Variants in MPRIP observed in about 807,000 individuals in gnomAD.
MPRIP encodes the protein myosin phosphatase Rho interacting protein, also known as myosin phosphatase Rho-interacting protein.
A neutral mutation model predicts 234.9 loss-of-function variants in MPRIP; 59 were observed. The observed-to-expected ratio is 0.25, with a 90% CI of 0.20 to 0.31. MPRIP has a LOEUF of 0.31. Among genes scored for constraint, MPRIP ranks in the 10% least tolerant of loss-of-function variants. MPRIP has a pLI of 1.00. For missense variants in MPRIP, 2,436 were observed against 3,071.0 expected, an observed-to-expected ratio of 0.79 and a Z score of 4.89; for synonymous variants, 1,144 against 1,263.9, an observed-to-expected ratio of 0.91 and a Z score of 2.01.
intron 20 of MPRIP, among the ~76,000 whole-genome samples, chr17:17,176,115 CA>C (rs2046248242): frequency 1.3e-5 from 2 of 152,226 alleles, no homozygotes. Flanking sequence ...ACACAAGTGT[CA>C]GTGGTAACAT....
intron 4 of MPRIP, 71 bp from the exon 5 acceptor site, chr17:17,131,546 G>A: frequency 7.3e-7 from 1 of 1,371,044 alleles, no homozygotes; most frequent in South Asian, 1.2e-5. Context: ...GGACCACCCG[G>A]CAAGGGCCAG....
At chr17:17,048,827 T>C (rs1341684743) in intron 1 of MPRIP, among the ~76,000 whole-genome samples, 1 of 152,214 alleles carries the variant, frequency 6.6e-6, no homozygotes, top group Non-Finnish European at 1.5e-5. Flanking sequence ...TTCCCACTTC[T>C]AGGTATATGC....
chr17:17,046,355 T>C (rs1373306512), intron 1 of MPRIP, among the ~76,000 whole-genome samples: 1 of 152,230 alleles, frequency 6.6e-6, no homozygotes, highest in African/African-American at 2.4e-5. Flanking sequence ...CAAAGAGTCT[T>C]ATAAATACTT....
intron 17 of MPRIP, 117 bp downstream of exon 17, chr17:17,171,982 A>C: frequency 1.7e-6 from 2 of 1,202,340 alleles, no homozygotes; most frequent in Non-Finnish European, 2.3e-6. Context: ...TGTAAACTTC[A>C]TTGTTGAAGG....
Position 17,166,682 on chromosome 17 carries a change from C to G in MPRIP, c.5091C>G (p.Thr1697=). The change falls in exon 16 of 24, where the codon ACC becomes ACG. Residue 1697 remains threonine (T), a synonymous_variant. Transcript: ENST00000651222. The surrounding 1 kb of genome is among the most constrained non-coding windows in gnomAD (Gnocchi z 4.4). ...LQSIQETLRG[T]QTALRQHKCL... The stretch of plus-strand genomic sequence containing the variant: ...GCATCCAGGAGACCCTGCGGGGCAC[C>G]CAGACGGCCCTGCGGCAGCACAAAT... 1 of 1,303,612 alleles carries G rather than the reference C, an allele frequency of 7.7e-7. No individual in the cohort carries two copies. The highest frequency in any genetic ancestry group is 1.5e-5 in the African/African-American group (1 of 65,950). 80.8% of individuals were successfully genotyped at this position (1,303,612 alleles called of 1,614,324 possible).
chr17:17,086,232 G>A (rs1412110617), intron 3 of MPRIP, among the ~76,000 whole-genome samples: 3 of 152,072 alleles, frequency 2.0e-5, no homozygotes, highest in Non-Finnish European at 4.4e-5. Flanking sequence ...TTTCAGGGCT[G>A]GCATGGCCAC....
chr17:17,156,481 T>G (rs1205063471), intron 13 of MPRIP, among the ~76,000 whole-genome samples: 2 of 152,240 alleles, frequency 1.3e-5, no homozygotes, highest in East Asian at 3.8e-4. Context: ...AGTTTTTTAG[T>G]GCTGCCAGGC....
chr17:17,167,645 G>A lies in MPRIP; in HGVS notation c.6054G>A (p.Arg2018=), dbSNP rs1881038135. The change falls in exon 16 of 24, where the codon AGG becomes AGA. Residue 2018 remains arginine (R), a synonymous_variant. Transcript: ENST00000651222. This position sits in a 1 kb window ranked among gnomAD's most constrained non-coding sequence, Gnocchi z 5.9. ...ELQTIHEEEL[R]TLQEHYSQSL... ...AGACGATCCACGAGGAGGAGCTGAG[G>A]ACCCTGCAGGAGCACTACTCGCAGA... The A allele has an allele frequency of 7.7e-7, 1 of 1,304,258 alleles. No individual in the cohort carries two copies. Among genetic ancestry groups the A allele is most frequent in the South Asian group, 1.2e-5 (1 of 81,032 alleles). The allele number at this position is 1,304,258 out of a possible 1,614,324, so 80.8% of individuals were successfully genotyped here. A position where few individuals can be genotyped will look rare whatever the true frequency, so the allele number is the denominator to read the frequency against.
At chr17:17,112,459 C>T (rs957561041) in intron 3 of MPRIP, among the ~76,000 whole-genome samples, 1 of 152,216 alleles carries the variant, frequency 6.6e-6, no homozygotes, top group Non-Finnish European at 1.5e-5. Context: ...GCCTGATGTC[C>T]AGTAGATGCC....
rs75754645 is a variant in MPRIP at position 17,088,898 on chromosome 17, C to G, written c.267+10822C>G. On this transcript the variant is annotated intron_variant, in intron 3 of 23. Transcript: ENST00000651222. The stretch of plus-strand genomic sequence containing the variant: ...TGTTCTTTATGGTGGGGAAAACTCT[C>G]TGAACCCGGGGAGCAGTTGCACTGG... Among the ~76,000 whole-genome samples the G allele has an allele frequency of 5.7e-4, 87 of 152,338 alleles. No homozygotes were observed. In the East Asian group the frequency reaches 0.017, roughly 29 times the overall value.
intron 23 of MPRIP, chr17:17,182,401 C>T (rs1481922665): frequency 1.3e-5 from 2 of 152,196 alleles, no homozygotes; most frequent in Non-Finnish European, 2.9e-5. Context: ...GAATGCTTCC[C>T]TCGGGGTTCT....
chr17:17,156,858 G>A (rs1236322928), intron 13 of MPRIP, among the ~76,000 whole-genome samples: 1 of 152,238 alleles, frequency 6.6e-6, no homozygotes, highest in East Asian at 1.9e-4. Flanking sequence ...TTGCTGTGAA[G>A]CACTTTGCCT....
At chr17:17,169,584 C>G (rs1477602620) in intron 16 of MPRIP, among the ~76,000 whole-genome samples, 1 of 152,244 alleles carries the variant, frequency 6.6e-6, no homozygotes, top group East Asian at 1.9e-4. Context: ...CTCCCAGGGG[C>G]TTGGACACTG....
intron 1 of MPRIP, among the ~76,000 whole-genome samples, chr17:17,046,903 C>T (rs567234019): frequency 9.9e-5 from 15 of 152,280 alleles, no homozygotes; most frequent in South Asian, 4.1e-4. Flanking sequence ...ACCGGCAGGG[C>T]GCAGTGGCTC....
At chr17:17,063,706 A>G (rs914277746) in intron 1 of MPRIP, among the ~76,000 whole-genome samples, 3 of 152,206 alleles carry the variant, frequency 2.0e-5, no homozygotes, top group Non-Finnish European at 4.4e-5. Flanking sequence ...AACCACCGTT[A>G]GAGATCTTGT....
intron 1 of MPRIP, among the ~76,000 whole-genome samples, chr17:17,059,460 C>A (rs1240359175): frequency 6.6e-6 from 1 of 152,224 alleles, no homozygotes; most frequent in East Asian, 1.9e-4. Context: ...ATGCCGGCCT[C>A]TATAGGAGGG....
In MPRIP at chr17:17,167,177, G is replaced by A. The variant is rs2046018791; in HGVS notation, c.5586G>A (p.Glu1862=). 1 of 1,304,008 alleles carries A rather than the reference G, an allele frequency of 7.7e-7. No individual in the cohort carries two copies. Among genetic ancestry groups the A allele is most frequent in the Admixed American group, 2.3e-5 (1 of 43,536 alleles). The allele number at this position is 1,304,008 out of a possible 1,614,324, so 80.8% of individuals were successfully genotyped here. A position where few individuals can be genotyped will look rare whatever the true frequency, so the allele number is the denominator to read the frequency against. The change falls in exon 16 of 24, where the codon GAG becomes GAA. Residue 1862 remains glutamate, a synonymous_variant. Coordinates refer to ENST00000651222, the MANE Select transcript of MPRIP (RefSeq NM_001364716.4). This position sits in a 1 kb window ranked among gnomAD's most constrained non-coding sequence, Gnocchi z 5.9. ...GAATCCGGCTAGAATATGAGAAGGA[G>A]CTCCAGCTCTGCAAGGAGTCCTGGC... The part of the protein sequence containing the change: ...SCRIRLEYEK[E]LQLCKESWQT...
intron 3 of MPRIP, among the ~76,000 whole-genome samples, chr17:17,103,818 A>G (rs1394367729): frequency 6.6e-6 from 1 of 152,224 alleles, no homozygotes; most frequent in Non-Finnish European, 1.5e-5. Context: ...CCCTTCGCAC[A>G]TGATTTCTCT....
chr17:17,132,930 G>A (rs2090626105), intron 5 of MPRIP, among the ~76,000 whole-genome samples: 2 of 152,214 alleles, frequency 1.3e-5, no homozygotes, highest in African/African-American at 4.8e-5. Context: ...AAAATCACAG[G>A]CAGAATAACA....
Sources: allele counts gnomAD v4.1 joint callset (sites outside exome capture counted in the v4.1 genomes callset), GRCh38; gene constraint gnomAD v4.1.1; non-coding constraint Gnocchi (gnomAD v3.1); transcripts MANE v1.5; gene names NCBI Gene and HGNC (gene_info 2026-07-23, HGNC 2026-07-21).